CCDC186: variants seen among roughly 807,000 people sequenced by gnomAD.
CCDC186 encodes the protein coiled-coil domain-containing protein 186.
A neutral mutation model predicts 113.7 loss-of-function variants in CCDC186; 49 were observed. That is an observed-to-expected ratio of 0.43 (90% CI 0.34 to 0.55). CCDC186 has a LOEUF of 0.55. Among genes scored for constraint, CCDC186 ranks in the 20% least tolerant of loss-of-function variants. The pLI, the probability that CCDC186 is intolerant of heterozygous loss-of-function variation, is 0.02. For synonymous variants in CCDC186, 355 were observed against 345.8 expected (o/e 1.03, Z -0.30); for missense variants, 890 against 1,011.1 (o/e 0.88, Z 1.62).
In CCDC186 at chr10:114,137,827, G is replaced by A. The variant is rs577398284; in HGVS notation, c.1222-537C>T. The stretch of plus-strand genomic sequence containing the variant: ...TGAGGTGGGCAGATCATCAGAGGTC[G>A]GGAGTTTGAGACCAGCCTGACCAAC... On this transcript the variant is annotated intron_variant, in intron 6 of 15. Coordinates refer to ENST00000369287, the MANE Select transcript of CCDC186 (RefSeq NM_018017.4). 4.3e-4 allele frequency among the ~76,000 whole-genome samples: 65 copies of A among 150,846 alleles called. 1 individual carries two copies. In the South Asian group the frequency reaches 0.012, roughly 28 times the overall value.
chr10:114,137,074 G>A, intron 7 of CCDC186, 112 bp downstream of exon 7: 1 of 704,186 alleles, frequency 1.4e-6, no homozygotes, highest in Non-Finnish European at 2.4e-6. Flanking sequence ...CCGAGACTGT[G>A]CCATTGAACT....
At position 114,136,248 on chromosome 10, in the gene CCDC186, T is replaced by G; in HGVS notation, c.1327-2A>C. The G allele has an allele frequency of 6.2e-7, 1 of 1,605,212 alleles. No homozygotes were observed. The highest frequency in any genetic ancestry group is 8.5e-7 in the Non-Finnish European group (1 of 1,176,760). On this transcript the variant is annotated splice_acceptor_variant, in intron 7 of 15. Coordinates refer to ENST00000369287, the MANE Select transcript of CCDC186 (RefSeq NM_018017.4). LOFTEE classifies it high-confidence loss of function. Reference sequence around the variant, plus strand: ...ATTTGATTTAATTTCTTCTGACTCCTAGTGGAAAGAAAACAAAAAAAGTGT... The same window carrying G: ...ATTTGATTTAATTTCTTCTGACTCCGAGTGGAAAGAAAACAAAAAAAGTGT...
At chr10:114,133,749 A>G (rs1222840629) in intron 10 of CCDC186, among the ~76,000 whole-genome samples, 1 of 152,224 alleles carries the variant, frequency 6.6e-6, no homozygotes, top group Admixed American at 6.5e-5. Flanking sequence ...GGGATACATC[A>G]GTAATTTTTA....
Position 114,151,102 on chromosome 10 carries a change from C to A in CCDC186, c.878G>T (p.Arg293Leu). 2 of 1,612,718 alleles carry A rather than the reference C, an allele frequency of 1.2e-6. No individual in the cohort carries two copies. The highest frequency in any genetic ancestry group is 2.2e-5 in the East Asian group (1 of 44,826). ...CGATGTGAGAAATACCTGTTCCATCCGTTGGGCCATCTCTTTGTGTAACTG... is the reference window on the plus strand; with the variant it reads ...CGATGTGAGAAATACCTGTTCCATCAGTTGGGCCATCTCTTTGTGTAACTG... ...VQQLHKEMAQ[R>L]MEQANKKCEE... is the part of the protein sequence containing the mutation. Residue 293 changes from arginine (R) to leucine (L), a missense_variant, in exon 4 of 16, where the codon CGG becomes CTG. Arg to Leu is a moderately radical substitution (Grantham distance 102). Coordinates refer to ENST00000369287, the MANE Select transcript of CCDC186 (RefSeq NM_018017.4).
intron 5 of CCDC186, among the ~76,000 whole-genome samples, chr10:114,145,305 A>G (rs2031599540): frequency 6.6e-6 from 1 of 150,416 alleles, no homozygotes; most frequent in African/African-American, 2.5e-5. Context: ...AGCTCAAGAA[A>G]AAGTTATCTA....
chr10:114,144,194 T>C lies in CCDC186; in HGVS notation c.1221+303A>G, dbSNP rs563121237. ...TATTTAAATTTTGCATATCAAAAAATGCTTAAAGAACAGGGCAAATTTGGG... is the reference window on the plus strand; with the variant it reads ...TATTTAAATTTTGCATATCAAAAAACGCTTAAAGAACAGGGCAAATTTGGG... On this transcript the variant is annotated intron_variant, in intron 6 of 15. Transcript: ENST00000369287. Among the ~76,000 whole-genome samples the C allele has an allele frequency of 3.3e-5, 5 of 152,192 alleles. 1 individual carries two copies. In the East Asian group the frequency reaches 9.6e-4, roughly 29 times the overall value.
chr10:114,164,108 A>T (rs372471348), intron 1 of CCDC186, among the ~76,000 whole-genome samples: 3 of 92,982 alleles, frequency 3.2e-5, no homozygotes, highest in African/African-American at 1.3e-4. Flanking sequence ...GTGTGTATAT[A>T]TATATATTTT....
At chr10:114,171,591 A>T (rs192081873) in intron 1 of CCDC186, among the ~76,000 whole-genome samples, 46 of 151,944 alleles carry the variant, frequency 3.0e-4, no homozygotes, top group African/African-American at 8.0e-4. Context: ...TTTAAAAAAA[A>T]TTTTTTTTCA....
At chr10:114,143,760 A>G (rs1294774019) in intron 6 of CCDC186, among the ~76,000 whole-genome samples, 2 of 152,196 alleles carry the variant, frequency 1.3e-5, no homozygotes, top group Admixed American at 6.5e-5. Context: ...ATTTTAACCA[A>G]TATCATTAAG....
chr10:114,154,439 G>C (rs2031951015), intron 3 of CCDC186, among the ~76,000 whole-genome samples: 1 of 151,912 alleles, frequency 6.6e-6, no homozygotes, highest in African/African-American at 2.4e-5. Context: ...ATTTAACTTA[G>C]AGACAAAATG....
Position 114,163,067 on chromosome 10 carries a change from T to C in CCDC186, c.202A>G (p.Asn68Asp). ...EHNNRIEAQENYIPDHGGGED... is the reference protein window; with the variant it reads ...EHNNRIEAQEDYIPDHGGGED... The stretch of plus-strand genomic sequence containing the variant: ...CCTCCACCATGATCTGGAATATAAT[T>C]TTCCTGGGCTTCAATTCGATTATTA... The change falls in exon 2 of 16, where the codon AAT becomes GAT. Residue 68 changes from asparagine (N) to aspartate (D), a missense_variant. By Grantham distance (23) the Asn-to-Asp change is conservative. Coordinates refer to ENST00000369287, the MANE Select transcript of CCDC186 (RefSeq NM_018017.4). 1 of 1,614,140 alleles carries C rather than the reference T, an allele frequency of 6.2e-7. No individual in the cohort carries two copies. The highest frequency in any genetic ancestry group is 8.5e-7 in the Non-Finnish European group (1 of 1,179,986).
At chr10:114,134,742 C>A (rs1174819779) in intron 10 of CCDC186, among the ~76,000 whole-genome samples, 171 bp downstream of exon 10, 1 of 152,030 alleles carries the variant, frequency 6.6e-6, no homozygotes, top group Non-Finnish European at 1.5e-5. Flanking sequence ...GAAGCCATGA[C>A]AGAACTCAAA....
Position 114,132,196 on chromosome 10 carries a change from A to C in CCDC186, c.1656-12T>G, listed in dbSNP as rs777979575. On this transcript the variant is annotated splice_polypyrimidine_tract_variant and intron_variant, in intron 10 of 15. Coordinates refer to ENST00000369287, the MANE Select transcript of CCDC186 (RefSeq NM_018017.4). ...TTTCTTGCTTACCTCTAAAACACAA[A>C]ATTTATATTTAAGAAAAAATAAACC... is the stretch of plus-strand genomic sequence containing the variant. 3 of 1,513,062 alleles carry C rather than the reference A, an allele frequency of 2.0e-6. No homozygotes were observed. Among genetic ancestry groups the C allele is most frequent in the East Asian group, 2.3e-5 (1 of 43,168 alleles). 93.7% of individuals were successfully genotyped at this position (1,513,062 alleles called of 1,614,324 possible).
intron 4 of CCDC186, among the ~76,000 whole-genome samples, chr10:114,150,749 A>T (rs1207998651): frequency 2.0e-5 from 3 of 152,096 alleles, no homozygotes. Flanking sequence ...CCCGGGTTCA[A>T]GTGATTCTCC....
chr10:114,150,956 G>T, intron 4 of CCDC186, 136 bp downstream of exon 4: 7 of 1,045,218 alleles, frequency 6.7e-6, no homozygotes, highest in Non-Finnish European at 9.3e-6. Context: ...TGGCCTAATG[G>T]CTTACTTTTA....
At position 114,144,537 on chromosome 10, in the gene CCDC186, CACTTT is replaced by C. The variant is rs2031576633; in HGVS notation, c.1176_1180del (p.Lys393GlyfsTer8). The C allele has an allele frequency of 3.1e-6, 5 of 1,613,238 alleles. No homozygotes were observed. Among genetic ancestry groups the C allele is most frequent in the Non-Finnish European group, 3.4e-6 (4 of 1,179,478 alleles). Reference sequence around the variant, plus strand: ...TTCAGCTTTTAATTTGTTTTGTGCCCACTTTACTTTGATGACGTGAGAGTTAATGT... The same window carrying C: ...TTCAGCTTTTAATTTGTTTTGTGCCCACTTTGATGACGTGAGAGTTAATGT... On this transcript the variant is annotated frameshift_variant, in exon 6 of 16. Coordinates refer to ENST00000369287, the MANE Select transcript of CCDC186 (RefSeq NM_018017.4). LOFTEE classifies it high-confidence loss of function.
At position 114,135,942 on chromosome 10, in the gene CCDC186, C is replaced by T. The variant is rs1399713500; in HGVS notation, c.1461G>A (p.Leu487=). ...CCATACCCTCCTTAAATGTTCTCTT[C>T]AGATCTTCTAGTTCCTTTATTTTGG... is the stretch of plus-strand genomic sequence containing the variant. ...HHAKIKELED[L]KRTFKEGMDE... Residue 487 remains leucine (L), a synonymous_variant, in exon 9 of 16, where the codon CTG becomes CTA. Coordinates refer to ENST00000369287, the MANE Select transcript of CCDC186 (RefSeq NM_018017.4). 5 of 1,613,118 alleles carry T rather than the reference C, an allele frequency of 3.1e-6. No homozygotes were observed. Among genetic ancestry groups the T allele is most frequent in the Non-Finnish European group, 4.2e-6 (5 of 1,179,604 alleles).
chr10:114,165,768 A>G (rs1474138270), intron 1 of CCDC186: 2 of 421,812 alleles, frequency 4.7e-6, no homozygotes, highest in Non-Finnish European at 6.3e-6. Flanking sequence ...GAATCGCTTG[A>G]ACCCAGGAGG....
At chr10:114,129,612 C>T (rs1412580641) in intron 13 of CCDC186, among the ~76,000 whole-genome samples, 3 of 152,194 alleles carry the variant, frequency 2.0e-5, no homozygotes, top group Non-Finnish European at 4.4e-5. Flanking sequence ...TCTCAGCTCA[C>T]TGCAACTTCC....
Sources: gnomAD v4.1 joint callset for allele counts (sites outside exome capture counted in the v4.1 genomes callset) on GRCh38, gnomAD v4.1.1 for gene constraint, MANE v1.5 for transcripts, NCBI Gene and HGNC (gene_info 2026-07-23, HGNC 2026-07-21) for gene names.